PLAC1: variants seen among roughly 807,000 people sequenced by gnomAD.
PLAC1 encodes the protein placenta associated 1, also known as placenta-specific protein 1.
For synonymous variants in PLAC1, 68 were observed against 62.1 expected, an observed-to-expected ratio of 1.09 and a Z score of -0.44; for missense variants, 136 against 163.2, an observed-to-expected ratio of 0.83 and a Z score of 0.91.
At chrX:134,644,088 C>A (rs1490551563) in intron 1 of PLAC1, among the ~76,000 whole-genome samples, 1 of 110,730 alleles carries the variant, frequency 9.0e-6, no homozygotes, top group Non-Finnish European at 1.9e-5. Flanking sequence ...ATGTTTTCAC[C>A]CTTAAAGTCA....
At chrX:134,762,821 C>CAAAAAA (rs60721487) in intron 1 of PLAC1, among the ~76,000 whole-genome samples, 176 of 14,716 alleles carry the variant, frequency 0.012, no homozygotes, top group Non-Finnish European at 0.021. Flanking sequence ...GGCTCTATCT[C>CAAAAAA]AAAAAAAAAA....
chrX:134,620,147 C>T (rs2078204027), intron 1 of PLAC1, among the ~76,000 whole-genome samples: 1 of 112,295 alleles, frequency 8.9e-6, no homozygotes, highest in African/African-American at 3.2e-5. Context: ...TGCTAAACAG[C>T]TTATGGCTTC....
At chrX:134,603,272 TATATATATATATATATA>T (rs1569384280) in intron 1 of PLAC1, among the ~76,000 whole-genome samples, 19 of 2,291 alleles carry the variant, frequency 8.3e-3, no homozygotes, top group African/African-American at 0.023. Context: ...CTGTATTTTA[TATATATATATATATATA>T]TATATATATA....
In PLAC1 at chrX:134,568,439, C is replaced by T. The variant is rs148304245; in HGVS notation, c.-58-1699G>A. Among the ~76,000 whole-genome samples the T allele has an allele frequency of 3.0e-3, 340 of 112,241 alleles. 1 individual carries two copies. The highest frequency in any genetic ancestry group is 0.01 in the African/African-American group (320 of 30,927). ...ATGGCACAGGAGCCCGCTAGAAAAA[C>T]GCACTGGCCTGGATGAAATGTTTTG... On this transcript the variant is annotated intron_variant, in intron 2 of 2. Coordinates refer to ENST00000359237, the MANE Select transcript of PLAC1 (RefSeq NM_021796.4).
chrX:134,736,798 A>T (rs1221451564), intron 1 of PLAC1, among the ~76,000 whole-genome samples: 1 of 112,330 alleles, frequency 8.9e-6, no homozygotes, highest in Admixed American at 9.4e-5. Context: ...GACCTCTGGG[A>T]AGCTCCCCTG....
At chrX:134,655,332 T>TACACACAC (rs545237127) in intron 1 of PLAC1, among the ~76,000 whole-genome samples, 1,601 of 99,116 alleles carry the variant, frequency 0.016, 20 homozygotes, top group African/African-American at 0.025. Flanking sequence ...TCAATCTATT[T>TACACACAC]ACACACACAC....
Position 134,608,481 on chromosome X carries a change from C to A in PLAC1, c.-130-6359G>T, listed in dbSNP as rs1474697629. Among the ~76,000 whole-genome samples the A allele has an allele frequency of 5.4e-5, 6 of 111,230 alleles. No individual in the cohort carries two copies. In the Admixed American group the frequency reaches 5.7e-4, roughly 11 times the overall value. On this transcript the variant is annotated intron_variant, in intron 1 of 2. Coordinates refer to ENST00000359237, the MANE Select transcript of PLAC1 (RefSeq NM_021796.4). ...CATGAAATATCCAGAATGTTCACAT[C>A]CACAGATACAGAAAATAGATCAGTG...
At chrX:134,660,795 A>C (rs910074622), upstream of PLAC1, among the ~76,000 whole-genome samples, 6 of 111,829 alleles carry the variant, frequency 5.4e-5, no homozygotes, top group Admixed American at 9.4e-5. Flanking sequence ...TGAGTCCTCT[A>C]ACTTCCTGTC....
Position 134,745,892 on chromosome X carries a change from G to A in PLAC1, n.90-12373C>T, listed in dbSNP as rs752005126. 3.6e-5 allele frequency among the ~76,000 whole-genome samples: 4 copies of A among 111,759 alleles called. No individual in the cohort carries two copies. The South Asian group carries it at 1.5e-3, about 42-fold the overall frequency. On this transcript the variant is annotated intron_variant and non_coding_transcript_variant, in intron 1 of 2. Coordinates refer to the PLAC1 transcript ENST00000466797. Reference sequence around the variant, plus strand: ...GCAAGCACTACCCAAACCACAGTGAGTCCAGTTCCTTCCTTTCCCAGAAGG... The same window carrying A: ...GCAAGCACTACCCAAACCACAGTGAATCCAGTTCCTTCCTTTCCCAGAAGG...
chrX:134,579,753 C>A (rs938462399), intron 2 of PLAC1, among the ~76,000 whole-genome samples: 8 of 111,376 alleles, frequency 7.2e-5, no homozygotes, highest in Admixed American at 1.9e-4. Flanking sequence ...GTGGTTTGTG[C>A]TTTCCCGGAA....
At chrX:134,732,523 G>A (rs1413270455) in intron 2 of PLAC1, among the ~76,000 whole-genome samples, 2 of 111,038 alleles carry the variant, frequency 1.8e-5, no homozygotes, top group African/African-American at 6.6e-5. Context: ...ATGTGCCCAC[G>A]ATGCTTACCC....
upstream of PLAC1, among the ~76,000 whole-genome samples, chrX:134,660,191 G>A (rs970557034): frequency 6.4e-5 from 7 of 108,917 alleles, no homozygotes; most frequent in Admixed American, 4.9e-4. Context: ...TGCAACCTCC[G>A]CCTCCTGGGT....
At chrX:134,698,483 C>T (rs1054385455) in intron 2 of PLAC1, among the ~76,000 whole-genome samples, 3 of 111,889 alleles carry the variant, frequency 2.7e-5, no homozygotes, top group Non-Finnish European at 5.6e-5. Flanking sequence ...GTGATGAATA[C>T]ACTTCTGCAT....
intron 1 of PLAC1, among the ~76,000 whole-genome samples, chrX:134,749,110 A>G (rs920163962): frequency 8.9e-6 from 1 of 111,734 alleles, no homozygotes; most frequent in East Asian, 2.8e-4. Flanking sequence ...TGAGCCCAGG[A>G]GTTCGAGACC....
chrX:134,575,564 T>G (rs2077934213), intron 2 of PLAC1, among the ~76,000 whole-genome samples: 1 of 109,275 alleles, frequency 9.2e-6, no homozygotes, highest in Non-Finnish European at 1.9e-5. Context: ...GGTCAGGAGA[T>G]TGAGACCATC....
chrX:134,607,766 G>C (rs1340537464), intron 1 of PLAC1: 2 of 111,897 alleles, frequency 1.8e-5, no homozygotes, highest in South Asian at 7.6e-4. Flanking sequence ...TTTCCTGCTG[G>C]ACATGAAGAA....
intron 2 of PLAC1, among the ~76,000 whole-genome samples, chrX:134,588,799 G>A (rs1054396259): frequency 9.0e-6 from 1 of 110,994 alleles, no homozygotes; most frequent in African/African-American, 3.3e-5. Context: ...GCAATACAGG[G>A]CATCCGATCA....
At chrX:134,659,830 T>C (rs2078409101), upstream of PLAC1, among the ~76,000 whole-genome samples, 1 of 111,948 alleles carries the variant, frequency 8.9e-6, no homozygotes, top group Non-Finnish European at 1.9e-5. Context: ...TTCCAGATAC[T>C]GAAACTGAAG....
chrX:134,603,570 G>A (rs958403104), intron 1 of PLAC1, among the ~76,000 whole-genome samples: 4 of 105,936 alleles, frequency 3.8e-5, no homozygotes, highest in African/African-American at 1.0e-4. Context: ...CCCTGACCTC[G>A]TGATCCACCC....
Sources: gnomAD v4.1 joint callset for allele counts (sites outside exome capture counted in the v4.1 genomes callset) on GRCh38, gnomAD v4.1.1 for gene constraint, MANE v1.5 for transcripts, NCBI Gene and HGNC (gene_info 2026-07-23, HGNC 2026-07-21) for gene names.